Variants in SREBF1 observed in about 807,000 individuals in gnomAD.
The protein encoded by SREBF1 is sterol regulatory element binding transcription factor 1.
Under a neutral mutation model 100.1 loss-of-function variants are expected in SREBF1, and 45 were observed. That is an observed-to-expected ratio of 0.45 (90% confidence interval 0.35 to 0.58). The LOEUF is 0.58. Ranked by LOEUF, SREBF1 falls within the 20% of genes least tolerant of loss-of-function variation. The probability of loss-of-function intolerance (pLI) is 0.00; values close to 1 mark genes in which losing one functional copy is unlikely to be tolerated. For missense variants in SREBF1, 1,324 were observed against 1,539.4 expected, an observed-to-expected ratio of 0.86 and a Z score of 2.34; for synonymous variants, 657 against 681.8, an observed-to-expected ratio of 0.96 and a Z score of 0.57.
chr17:17,819,066 T>C lies in SREBF1; in HGVS notation c.1015A>G (p.Ile339Val). The C allele has an allele frequency of 1.9e-6, 3 of 1,614,068 alleles. No individual in the cohort carries two copies. The highest frequency in any genetic ancestry group is 2.5e-6 in the Non-Finnish European group (3 of 1,180,038). ...TTGAGCTCAATGATTTTGTCATTGA[T>C]GGAGGAGCGGTAGCGCTTCTCAATG... is the stretch of plus-strand genomic sequence containing the variant. ...NAIEKRYRSSINDKIIELKDL... is the reference protein window; with the variant it reads ...NAIEKRYRSSVNDKIIELKDL... The change falls in exon 5 of 19, where the codon ATC becomes GTC. Residue 339 changes from isoleucine (I) to valine (V), a missense_variant. Coordinates refer to ENST00000261646, the MANE Select transcript of SREBF1 (RefSeq NM_004176.5).
Position 17,815,786 on chromosome 17 carries a change from T to G in SREBF1, c.2383+74A>C, listed in dbSNP as rs573974789. Reference sequence around the variant, plus strand: ...TGGGGTGGCCAGAGACAGCCAGAGATTCAGGCGACAAGGGACAGGACAGGA... The same window carrying G: ...TGGGGTGGCCAGAGACAGCCAGAGAGTCAGGCGACAAGGGACAGGACAGGA... On this transcript the variant is annotated intron_variant, in intron 12 of 18. Transcript: ENST00000261646. 1.0e-4 allele frequency: 149 copies of G among 1,480,816 alleles called. 2 individuals carry two copies. In the South Asian group the frequency reaches 1.5e-3, roughly 14 times the overall value. The allele number at this position is 1,480,816 out of a possible 1,614,324, so 91.7% of individuals were successfully genotyped here.
At chr17:17,828,534 C>T (rs2034631416) in intron 1 of SREBF1, among the ~76,000 whole-genome samples, 1 of 152,250 alleles carries the variant, frequency 6.6e-6, no homozygotes, top group Admixed American at 6.5e-5. Flanking sequence ...ACATACTTAT[C>T]ACTGGCAGCT....
In SREBF1 at chr17:17,815,879, G is replaced by A; in HGVS notation, c.2364C>T (p.Tyr788=). 11 of 1,612,860 alleles carry A rather than the reference G, an allele frequency of 6.8e-6. No homozygotes were observed. Among genetic ancestry groups the A allele is most frequent in the Non-Finnish European group, 9.3e-6 (11 of 1,179,880 alleles). The change falls in exon 12 of 19, where the codon TAC becomes TAT. Residue 788 remains tyrosine, a synonymous_variant. Transcript: ENST00000261646. ...GAGCACCTGGGTTCCCGGCCAAGCT[G>A]TACAGGCTCTCCCATGGGGTACTGA... The part of the protein sequence containing the change: ...SVLSTPWESL[Y]SLAGNPVDPL...
At chr17:17,836,314 A>C (rs1311568531) in intron 1 of SREBF1, among the ~76,000 whole-genome samples, 1 of 152,232 alleles carries the variant, frequency 6.6e-6, no homozygotes, top group Non-Finnish European at 1.5e-5. Flanking sequence ...CTCGGGCCGG[A>C]GGGAATGACC....
At chr17:17,815,728 C>T in intron 12 of SREBF1, 132 bp downstream of exon 12, 1 of 1,010,486 alleles carries the variant, frequency 9.9e-7, no homozygotes, top group Non-Finnish European at 1.5e-6. Flanking sequence ...TCCTGCAACC[C>T]CCACAGCAAC....
At chr17:17,814,028 C>T (rs1567955757) in intron 16 of SREBF1, 1 of 659,822 alleles carries the variant, frequency 1.5e-6, no homozygotes, top group Non-Finnish European at 2.6e-6. Context: ...CATCCACCCC[C>T]CTCCTCCCAG....
rs528007537 is a variant in SREBF1, at chr17:17,836,506, C to A, written c.91+221G>T. On this transcript the variant is annotated intron_variant, in intron 1 of 18. Transcript: ENST00000261646. ...GAGCCGCCAAGGGACCCCGGCCCGGCCCAGGAGCCCTCACCCACAAGCGCG... is the reference window on the plus strand; with the variant it reads ...GAGCCGCCAAGGGACCCCGGCCCGGACCAGGAGCCCTCACCCACAAGCGCG... Among the ~76,000 whole-genome samples, 6 of 152,300 alleles carry A rather than the reference C, an allele frequency of 3.9e-5. No homozygotes were observed. The East Asian group carries it at 1.2e-3, about 29-fold the overall frequency.
In SREBF1 at chr17:17,816,197, A is replaced by ACCCCCCCCCCC; in HGVS notation, c.2214+9_2214+10insGGGGGGGGGGG. 1 of 1,137,388 alleles carries ACCCCCCCCCCC rather than the reference A, an allele frequency of 8.8e-7. No homozygotes were observed. Among genetic ancestry groups the ACCCCCCCCCCC allele is most frequent in the Admixed American group, 2.7e-5 (1 of 37,106 alleles). 70.5% of individuals were successfully genotyped at this position (1,137,388 alleles called of 1,614,324 possible). ...GCAGGGATAAGCCCCCAGCCCCCCA[A>ACCCCCCCCCCC]CCCACTCACTGTCAGAAAATGCAAG... On this transcript the variant is annotated intron_variant, in intron 11 of 18. Coordinates refer to ENST00000261646, the MANE Select transcript of SREBF1 (RefSeq NM_004176.5).
intron 1 of SREBF1, among the ~76,000 whole-genome samples, chr17:17,826,053 C>CTG (rs1257791180): frequency 1.3e-5 from 2 of 152,220 alleles, no homozygotes; most frequent in African/African-American, 4.8e-5. Flanking sequence ...CCCTCCCTTG[C>CTG]TGTGTGATGG....
At chr17:17,831,148 G>C (rs1362328124) in intron 1 of SREBF1, among the ~76,000 whole-genome samples, 1 of 47,624 alleles carries the variant, frequency 2.1e-5, no homozygotes, top group Non-Finnish European at 6.0e-5. Flanking sequence ...GACCAGGGGA[G>C]TTCTGTGCTG....
rs773391894 is a variant in SREBF1, at chr17:17,820,440, C to T, written c.173G>A (p.Gly58Asp). 2.7e-5 allele frequency: 43 copies of T among 1,613,716 alleles called. No homozygotes were observed. Among genetic ancestry groups the T allele is most frequent in the African/African-American group, 4.0e-5 (3 of 74,882 alleles). The change falls in exon 2 of 19, where the codon GGC becomes GAC. Residue 58 changes from glycine to aspartate, a missense_variant. Transcript: ENST00000261646. ...GGTATCGGGGCTGGCAGGGTCTGTG[C>T]CCCCTGCCCCACTCCCAGCATAGGG... ...DPPYAGSGAG[G>D]TDPASPDTSS...
At position 17,819,642 on chromosome 17, in the gene SREBF1, T is replaced by C. The variant is rs1238284838; in HGVS notation, c.607A>G (p.Thr203Ala). Reference sequence around the variant, plus strand: ...TGGGGGACCACACTCTGGACCTGGGTGTGCAAGGAGACGGGCGGGACCCCT... The same window carrying C: ...TGGGGGACCACACTCTGGACCTGGGCGTGCAAGGAGACGGGCGGGACCCCT... ...PPGVPPVSLH[T>A]QVQSVVPQQL... Residue 203 changes from threonine to alanine, a missense_variant, in exon 3 of 19, where the codon ACC (threonine) becomes GCC (alanine). Thr to Ala is a moderately conservative substitution (Grantham distance 58). Coordinates refer to ENST00000261646, the MANE Select transcript of SREBF1 (RefSeq NM_004176.5). 3 of 1,612,436 alleles carry C rather than the reference T, an allele frequency of 1.9e-6. No homozygotes were observed. The Admixed American group carries it at 5.0e-5, about 27-fold the overall frequency.
chr17:17,815,169 T>C, intron 13 of SREBF1, 52 bp downstream of exon 13: 1 of 1,552,174 alleles, frequency 6.4e-7, no homozygotes, highest in South Asian at 1.1e-5. Flanking sequence ...AGAGCTATTC[T>C]CAGAATCCCG....
chr17:17,823,764 C>T (rs111787349), intron 1 of SREBF1: 2 of 196,954 alleles, frequency 1.0e-5, no homozygotes, highest in Non-Finnish European at 1.8e-5. Flanking sequence ...TGAGCGCGCG[C>T]GGCCAATCAG....
chr17:17,812,483 C>T lies in SREBF1; in HGVS notation c.*139G>A. On this transcript the variant is annotated 3_prime_UTR_variant, in exon 19 of 19. Coordinates refer to ENST00000261646, the MANE Select transcript of SREBF1 (RefSeq NM_004176.5). The stretch of plus-strand genomic sequence containing the variant: ...CCCCTCGGGCCTTCCACCGCGAAGG[C>T]ACACAGCAGCCGCAGGTCGAACTGT... The T allele has an allele frequency of 1.1e-6, 1 of 900,656 alleles. No homozygotes were observed. The highest frequency in any genetic ancestry group is 1.7e-6 in the Non-Finnish European group (1 of 597,362). The allele number at this position is 900,656 out of a possible 1,614,324, so 55.8% of individuals were successfully genotyped here. A position where few individuals can be genotyped will look rare whatever the true frequency, so the allele number is the denominator to read the frequency against.
chr17:17,811,369 TTTCC>T lies in SREBF1; in HGVS notation c.*1249_*1252del, dbSNP rs2032797783. 2 of 239,982 alleles carry T rather than the reference TTTCC, an allele frequency of 8.3e-6. No homozygotes were observed. The highest frequency in any genetic ancestry group is 8.2e-5 in the South Asian group (2 of 24,306). The allele number at this position is 239,982 out of a possible 1,614,324, so 14.9% of individuals were successfully genotyped here. A position where few individuals can be genotyped will look rare whatever the true frequency, so the allele number is the denominator to read the frequency against. ...CGAGCTGTTTCTAAAAGATGTTTAT[TTTCC>T]TTAAGAGTAAAAAACAGTCATTGCA... On this transcript the variant is annotated 3_prime_UTR_variant, in exon 19 of 19. Coordinates refer to ENST00000261646, the MANE Select transcript of SREBF1 (RefSeq NM_004176.5).
Position 17,833,450 on chromosome 17 carries a change from AATATAT to A in SREBF1, c.91+3271_91+3276del, listed in dbSNP as rs1555573429. 3.1e-3 allele frequency among the ~76,000 whole-genome samples: 147 copies of A among 47,518 alleles called. 1 individual carries two copies. Among genetic ancestry groups the A allele is most frequent in the African/African-American group, 0.013 (141 of 10,774 alleles). 31.2% of individuals were successfully genotyped at this position (47,518 alleles called of 152,430 possible). A position where few individuals can be genotyped will look rare whatever the true frequency, so the allele number is the denominator to read the frequency against. ...AAAAAAAAAAAAAAAAAAAAAAAAA[AATATAT>A]ATATATATATATATATATACACACA... On this transcript the variant is annotated intron_variant, in intron 1 of 18. Transcript: ENST00000261646.
rs1026866827 is a variant in SREBF1 at position 17,824,758 on chromosome 17, G to C, written c.92-4237C>G. On this transcript the variant is annotated intron_variant, in intron 1 of 18. Coordinates refer to ENST00000261646, the MANE Select transcript of SREBF1 (RefSeq NM_004176.5). This position sits in a 1 kb window ranked among gnomAD's most constrained non-coding sequence, Gnocchi z 4.2. ...GGTGCCTGAACCCTGGGCAGACCCAGCGACTCAGCAGTCCATTGGGGGCTG... is the reference window on the plus strand; with the variant it reads ...GGTGCCTGAACCCTGGGCAGACCCACCGACTCAGCAGTCCATTGGGGGCTG... 6.6e-6 allele frequency among the ~76,000 whole-genome samples: 1 copy of C among 152,214 alleles called. No homozygotes were observed. The highest frequency in any genetic ancestry group is 2.4e-5 in the African/African-American group (1 of 41,456).
chr17:17,828,754 A>G (rs910008044), intron 1 of SREBF1, among the ~76,000 whole-genome samples: 14 of 152,198 alleles, frequency 9.2e-5, no homozygotes, highest in African/African-American at 3.4e-4. Context: ...CATCTCTACA[A>G]AGTTTTAAAA....
Sources: gnomAD v4.1 joint callset for allele counts (sites outside exome capture counted in the v4.1 genomes callset) on GRCh38, gnomAD v4.1.1 for gene constraint, Gnocchi (gnomAD v3.1) non-coding constraint, MANE v1.5 for transcripts, NCBI Gene and HGNC (gene_info 2026-07-23, HGNC 2026-07-21) for gene names.